The following PAK4 variants were observed in gnomAD, a reference collection of about 807,000 sequenced individuals.
PAK4 encodes serine/threonine-protein kinase PAK 4.
A neutral mutation model predicts 53.5 loss-of-function variants in PAK4; 49 were observed. The observed-to-expected ratio is 0.92, with a 90% CI of 0.73 to 1.16. PAK4 has a LOEUF of 1.16. PAK4 is among the 50% of genes most tolerant of loss of function. The pLI is 0.00. For synonymous variants in PAK4, 376 were observed against 375.6 expected (o/e 1.00, Z -0.01); for missense variants, 824 against 850.7 (o/e 0.97, Z 0.39).
intron 1 of PAK4, among the ~76,000 whole-genome samples, chr19:39,127,632 C>T (rs564406752): frequency 2.0e-5 from 3 of 152,034 alleles, no homozygotes; most frequent in South Asian, 2.1e-4. Context: ...TGGCAGGGGA[C>T]GAGATCCACA....
intron 1 of PAK4, among the ~76,000 whole-genome samples, chr19:39,157,782 C>T (rs562677101): frequency 7.9e-5 from 12 of 152,328 alleles, no homozygotes; most frequent in African/African-American, 9.6e-5. Flanking sequence ...GCCGGCTAGC[C>T]GGGAAGTTTT....
chr19:39,133,890 C>T (rs1301364743), intron 1 of PAK4, among the ~76,000 whole-genome samples: 2 of 152,208 alleles, frequency 1.3e-5, no homozygotes, highest in African/African-American at 2.4e-5. Flanking sequence ...CAGCCCCCCT[C>T]CCCTTCCCTT....
chr19:39,157,398 T>C (rs2074203745), intron 1 of PAK4, among the ~76,000 whole-genome samples: 1 of 151,912 alleles, frequency 6.6e-6, no homozygotes, highest in Non-Finnish European at 1.5e-5. Flanking sequence ...CATCTCTGGG[T>C]GCACGAGTCT....
Position 39,173,829 on chromosome 19 carries a change from C to G in PAK4, c.917C>G (p.Ala306Gly). ...CGAGTATCCCATGAGCAGTTCCGGG[C>G]TGCCCTGCAGCTGGTGGTGGACCCA... The change falls in exon 4 of 9, where the codon GCT (alanine) becomes GGT (glycine). Residue 306 changes from alanine (A) to glycine (G), a missense_variant. Ala to Gly is a moderately conservative substitution (Grantham distance 60). This residue lies in a region of PAK4 where 346 missense variants were observed against 415.0 expected (regional missense o/e 0.83). Transcript: ENST00000358301. The surrounding 1 kb of genome is among the most constrained non-coding windows in gnomAD (Gnocchi z 6.9). 1 of 1,612,462 alleles carries G rather than the reference C, an allele frequency of 6.2e-7. No homozygotes were observed. Among genetic ancestry groups the G allele is most frequent in the Non-Finnish European group, 8.5e-7 (1 of 1,179,776 alleles).
chr19:39,145,394 G>C (rs1392159689), intron 1 of PAK4, among the ~76,000 whole-genome samples: 1 of 152,206 alleles, frequency 6.6e-6, no homozygotes. Context: ...ATTTCTCTGG[G>C]TGGAGTAATG....
chr19:39,178,678 A>AG lies in PAK4; in HGVS notation c.*100dup. ...GGCCTCCCACTCCTCCCAGCCCGGG[A>AG]GATGCTCCGCGTGGCACCACCCTCC... On this transcript the variant is annotated 3_prime_UTR_variant, in exon 9 of 9. Coordinates refer to ENST00000358301, the Ensembl canonical transcript of PAK4. This position sits in a 1 kb window ranked among gnomAD's most constrained non-coding sequence, Gnocchi z 4.4. 8.8e-7 allele frequency: 1 copy of AG among 1,132,682 alleles called. No homozygotes were observed. The highest frequency in any genetic ancestry group is 1.2e-6 in the Non-Finnish European group (1 of 802,060). 70.2% of individuals were successfully genotyped at this position (1,132,682 alleles called of 1,614,324 possible).
In PAK4 at chr19:39,173,605, G is replaced by T; in HGVS notation, c.693G>T (p.Gly231=). The stretch of plus-strand genomic sequence containing the variant: ...AGCCTCATGACGTGGCCCCTAACGG[G>T]CCATCAGCGGGGGGCCTGGCCATCC... The change falls in exon 4 of 9, where the codon GGG becomes GGT. Residue 231 remains glycine, a synonymous_variant. Transcript: ENST00000358301. This position sits in a 1 kb window ranked among gnomAD's most constrained non-coding sequence, Gnocchi z 6.9. The T allele has an allele frequency of 1.3e-6, 2 of 1,530,744 alleles. No individual in the cohort carries two copies. The highest frequency in any genetic ancestry group is 2.6e-5 in the South Asian group (2 of 77,086). 94.8% of individuals were successfully genotyped at this position (1,530,744 alleles called of 1,614,324 possible).
At chr19:39,155,470 A>G (rs1403607667) in intron 1 of PAK4, among the ~76,000 whole-genome samples, 2 of 151,924 alleles carry the variant, frequency 1.3e-5, no homozygotes, top group Non-Finnish European at 2.9e-5. Flanking sequence ...TTCGTGGAGG[A>G]GCAGGTGCCT....
chr19:39,177,650 C>T (rs767202934), intron 7 of PAK4, 25 bp from the exon 9 acceptor site: 2 of 1,603,810 alleles, frequency 1.2e-6, no homozygotes, highest in Admixed American at 1.7e-5. Context: ...ACAGCTCAGC[C>T]CTGCTGTCCC....
At chr19:39,127,160 A>C (rs1419841792) in intron 1 of PAK4, among the ~76,000 whole-genome samples, 2 of 151,866 alleles carry the variant, frequency 1.3e-5, no homozygotes, top group African/African-American at 4.8e-5. Context: ...CTGACTGGGG[A>C]GAGTGTCCCT....
chr19:39,166,192 C>CA (rs1568519623), intron 1 of PAK4, among the ~76,000 whole-genome samples: 1 of 152,354 alleles, frequency 6.6e-6, no homozygotes, highest in East Asian at 1.9e-4. Flanking sequence ...GCGCAGGGCT[C>CA]ACGCCTGTAA....
chr19:39,134,514 G>T (rs2073774239), intron 1 of PAK4, among the ~76,000 whole-genome samples: 1 of 152,100 alleles, frequency 6.6e-6, no homozygotes, highest in East Asian at 1.9e-4. Flanking sequence ...GTATGTCCTT[G>T]TCTGTGCTTT....
At chr19:39,176,049 A>C (rs1199571459) in intron 6 of PAK4, among the ~76,000 whole-genome samples, 1 of 152,168 alleles carries the variant, frequency 6.6e-6, no homozygotes, top group Non-Finnish European at 1.5e-5. Context: ...GGGCCACCTG[A>C]GATTGTCCAC....
chr19:39,146,196 T>C (rs2073996196), intron 1 of PAK4, among the ~76,000 whole-genome samples: 2 of 112,322 alleles, frequency 1.8e-5, no homozygotes, highest in African/African-American at 6.5e-5. Context: ...ATGGAGCTTA[T>C]AATACAGTGA....
intron 1 of PAK4, among the ~76,000 whole-genome samples, chr19:39,154,793 A>G (rs1227770743): frequency 1.3e-5 from 2 of 151,034 alleles, no homozygotes; most frequent in African/African-American, 4.8e-5. Context: ...TTACTCGACA[A>G]ATGCCCCACC....
chr19:39,132,272 A>G (rs2073726973), intron 1 of PAK4, among the ~76,000 whole-genome samples: 1 of 152,198 alleles, frequency 6.6e-6, no homozygotes, highest in Admixed American at 6.5e-5. Flanking sequence ...TAATCACTGA[A>G]AAACTGCACA....
chr19:39,161,401 C>T lies in PAK4; in HGVS notation c.-22-8131C>T, dbSNP rs1179111749. Among the ~76,000 whole-genome samples, 3 of 152,190 alleles carry T rather than the reference C, an allele frequency of 2.0e-5. No individual in the cohort carries two copies. Among genetic ancestry groups the T allele is most frequent in the Non-Finnish European group, 4.4e-5 (3 of 68,018 alleles). On this transcript the variant is annotated intron_variant, in intron 1 of 8. Transcript: ENST00000358301. This position sits in a 1 kb window ranked among gnomAD's most constrained non-coding sequence, Gnocchi z 4.5. ...CATGGAGCAAGACCAGGCCAAGCCC[C>T]TGCCTATGAGCTCACGCTGCAGCCC...
intron 1 of PAK4, among the ~76,000 whole-genome samples, chr19:39,152,752 G>A (rs2074113836): frequency 1.4e-5 from 2 of 146,104 alleles, no homozygotes; most frequent in Admixed American, 1.4e-4. Flanking sequence ...ATGGCAATCG[G>A]GTTCAATGTT....
intron 1 of PAK4, among the ~76,000 whole-genome samples, chr19:39,167,434 A>G (rs2074395829): frequency 6.6e-6 from 1 of 151,714 alleles, no homozygotes; most frequent in South Asian, 2.1e-4. Context: ...ATGAGAGAGT[A>G]GGTCAGGGCC....
Sources: gnomAD v4.1 joint callset for allele counts (sites outside exome capture counted in the v4.1 genomes callset) on GRCh38, gnomAD v4.1.1 for gene constraint, gnomAD v4.1.1 regional missense constraint, Gnocchi (gnomAD v3.1) non-coding constraint, MANE v1.5 for transcripts, NCBI Gene and HGNC (gene_info 2026-07-23, HGNC 2026-07-21) for gene names.